Variants in ARL6IP6 observed in about 807,000 individuals in gnomAD.
ARL6IP6 encodes the protein ARF like GTPase 6 interacting protein 6.
ARL6IP6 carries 22 observed loss-of-function variants against 21.5 expected under a neutral mutation model. The observed-to-expected ratio is 1.02, with a 90% CI of 0.73 to 1.46. The LOEUF is 1.46. ARL6IP6 is among the 40% of genes most tolerant of loss of function. The probability of loss-of-function intolerance (pLI) is 0.00; values close to 1 mark genes in which losing one functional copy is unlikely to be tolerated. For missense variants in ARL6IP6, 388 were observed against 299.8 expected, an observed-to-expected ratio of 1.29 and a Z score of -2.17; for synonymous variants, 164 against 125.3, an observed-to-expected ratio of 1.31 and a Z score of -2.06.
chr2:152,732,993 T>G (rs996239720), intron 2 of ARL6IP6, among the ~76,000 whole-genome samples: 6 of 152,196 alleles, frequency 3.9e-5, no homozygotes, highest in Non-Finnish European at 2.9e-5. Context: ...ATTCTGTGTC[T>G]TATATGAGTC....
chr2:152,732,581 G>A (rs561555205), intron 2 of ARL6IP6: 1 of 449,000 alleles, frequency 2.2e-6, no homozygotes, highest in African/African-American at 2.1e-5. Flanking sequence ...AGTTGCAAAG[G>A]TATGTTTTAT....
rs191857358 is a variant in ARL6IP6, at chr2:152,753,664, A to G, written c.588-6083A>G. Among the ~76,000 whole-genome samples, 471 of 148,074 alleles carry G rather than the reference A, an allele frequency of 3.2e-3. 1 individual carries two copies. Among genetic ancestry groups the G allele is most frequent in the Middle Eastern group, 0.011 (3 of 274 alleles). Reference sequence around the variant, plus strand: ...CACCTTTACAATGCTGAGTATTCCCAGGTTATGGTGGAGACCTCCCTTCAT... The same window carrying G: ...CACCTTTACAATGCTGAGTATTCCCGGGTTATGGTGGAGACCTCCCTTCAT... On this transcript the variant is annotated intron_variant, in intron 3 of 3. Coordinates refer to ENST00000326446, the MANE Select transcript of ARL6IP6 (RefSeq NM_152522.7).
intron 2 of ARL6IP6, among the ~76,000 whole-genome samples, chr2:152,733,886 A>G (rs965063936): frequency 3.3e-5 from 5 of 152,166 alleles, no homozygotes; most frequent in Non-Finnish European, 5.9e-5. Context: ...GCTCATCCCT[A>G]TATCCCCATT....
chr2:152,734,442 TAATAAAGATA>T (rs754612203), intron 2 of ARL6IP6, among the ~76,000 whole-genome samples: 1 of 152,228 alleles, frequency 6.6e-6, no homozygotes, highest in Admixed American at 6.5e-5. Context: ...TAGTACTAAA[TAATAAAGATA>T]GCAAGGTATG....
chr2:152,739,051 T>C (rs1373926683), intron 3 of ARL6IP6, among the ~76,000 whole-genome samples: 1 of 151,912 alleles, frequency 6.6e-6, no homozygotes, highest in African/African-American at 2.4e-5. Flanking sequence ...GGCGTGATCT[T>C]GGCTCACTGC....
At position 152,718,793 on chromosome 2, in the gene ARL6IP6, G is replaced by A. The variant is rs1433998438; in HGVS notation, c.169G>A (p.Ala57Thr). 6.2e-7 allele frequency: 1 copy of A among 1,607,402 alleles called. No individual in the cohort carries two copies. The highest frequency in any genetic ancestry group is 2.2e-5 in the East Asian group (1 of 44,684). Reference protein sequence around the residue: ...GCDQVARDLRAEFSAGAWSEP... With the variant: ...GCDQVARDLRTEFSAGAWSEP... ...CGACCAAGTGGCCCGCGACCTGCGG[G>A]CGGAGTTCTCGGCTGGGGCGTGGTC... is the stretch of plus-strand genomic sequence containing the variant. The change falls in exon 1 of 4, where the codon GCG becomes ACG. Residue 57 changes from alanine to threonine, a missense_variant. Physicochemically the swap from Ala to Thr is moderately conservative, Grantham distance 58. Transcript: ENST00000326446.
intron 2 of ARL6IP6, among the ~76,000 whole-genome samples, chr2:152,723,321 G>A (rs537629369): frequency 6.6e-6 from 1 of 152,160 alleles, no homozygotes; most frequent in African/African-American, 2.4e-5. Flanking sequence ...AGATGATAAC[G>A]ATTTTATTAT....
rs535009903 is a variant in ARL6IP6 at position 152,747,940 on chromosome 2, A to G, written c.588-11807A>G. ...GGTCTGGAATCCCTGACCTCAAGCC[A>G]TCCTCCTGCCTCAGCCTTCCAAAGT... On this transcript the variant is annotated intron_variant, in intron 3 of 3. Coordinates refer to ENST00000326446, the MANE Select transcript of ARL6IP6 (RefSeq NM_152522.7). Among the ~76,000 whole-genome samples, 19 of 152,268 alleles carry G rather than the reference A, an allele frequency of 1.2e-4. No homozygotes were observed. The South Asian group carries it at 3.7e-3, about 30-fold the overall frequency.
intron 3 of ARL6IP6, among the ~76,000 whole-genome samples, chr2:152,758,813 C>G (rs1217561010): frequency 1.3e-5 from 2 of 152,172 alleles, no homozygotes; most frequent in Non-Finnish European, 2.9e-5. Flanking sequence ...AAGTGCTTCT[C>G]TGGCTTTGGC....
rs781156981 is a variant in ARL6IP6 at position 152,718,878 on chromosome 2, A to G, written c.254A>G (p.Asp85Gly). 5.6e-6 allele frequency: 9 copies of G among 1,613,602 alleles called. No homozygotes were observed. The highest frequency in any genetic ancestry group is 2.2e-5 in the South Asian group (2 of 90,998). Residue 85 changes from aspartate to glycine, a missense_variant, in exon 1 of 4, where the codon GAT (aspartate) becomes GGT (glycine). Coordinates refer to ENST00000326446, the MANE Select transcript of ARL6IP6 (RefSeq NM_152522.7). ...GGGAACGGGTCGCCCGTTCTGCCCG[A>G]TAAGCGCAATGGTATCTTTCCCGCG... ...PDGNGSPVLP[D>G]KRNGIFPAAA...
chr2:152,729,141 G>T (rs953751831), intron 2 of ARL6IP6, among the ~76,000 whole-genome samples: 1 of 152,170 alleles, frequency 6.6e-6, no homozygotes, highest in African/African-American at 2.4e-5. Context: ...GGAGGCTGAG[G>T]CGGGTGGAAC....
intron 2 of ARL6IP6, among the ~76,000 whole-genome samples, chr2:152,729,578 A>AC (rs889702398): frequency 2.6e-5 from 4 of 152,306 alleles, no homozygotes; most frequent in South Asian, 2.1e-4. Context: ...ATTAAAAAAA[A>AC]ACACACACAC....
Position 152,718,973 on chromosome 2 carries a change from T to C in ARL6IP6, c.349T>C (p.Phe117Leu). 1 of 1,591,754 alleles carries C rather than the reference T, an allele frequency of 6.3e-7. No individual in the cohort carries two copies. The highest frequency in any genetic ancestry group is 1.1e-5 in the South Asian group (1 of 88,302). The change falls in exon 1 of 4, where the codon TTC becomes CTC. Residue 117 changes from phenylalanine to leucine, a missense_variant. Phe to Leu is a conservative substitution (Grantham distance 22). Coordinates refer to ENST00000326446, the MANE Select transcript of ARL6IP6 (RefSeq NM_152522.7). ...CCTCTCTATTCTCTGCTCGCTGCTC[T>C]TCGCCATTCTTCTCGCCTTCCTCCT... ...QVLSILCSLL[F>L]AILLAFLLAI...
intron 3 of ARL6IP6, among the ~76,000 whole-genome samples, chr2:152,738,251 T>C (rs1700640608): frequency 6.6e-6 from 1 of 152,224 alleles, no homozygotes; most frequent in South Asian, 2.1e-4. Flanking sequence ...GGGTACAGCC[T>C]CCCTCCTGGC....
chr2:152,729,998 T>C (rs1700230930), intron 2 of ARL6IP6, among the ~76,000 whole-genome samples: 1 of 152,234 alleles, frequency 6.6e-6, no homozygotes, highest in Non-Finnish European at 1.5e-5. Context: ...CTGTGGCTTT[T>C]CTGCTTATTT....
At chr2:152,729,614 A>T (rs1026707817) in intron 2 of ARL6IP6, among the ~76,000 whole-genome samples, 1 of 152,190 alleles carries the variant, frequency 6.6e-6, no homozygotes. Flanking sequence ...GTGGGTGCTG[A>T]TAGGAAAGGT....
At chr2:152,742,428 G>A (rs1013739979) in intron 3 of ARL6IP6, among the ~76,000 whole-genome samples, 2 of 152,084 alleles carry the variant, frequency 1.3e-5, no homozygotes, top group African/African-American at 4.8e-5. Flanking sequence ...AAGTATCCAG[G>A]TGTGGTGAAA....
chr2:152,729,334 C>CTGTGTGTGTGTGTGTGTGTGTGTG (rs10604718), intron 2 of ARL6IP6, among the ~76,000 whole-genome samples: 1 of 150,952 alleles, frequency 6.6e-6, no homozygotes, highest in African/African-American at 2.4e-5. Context: ...CAGACTTTGT[C>CTGTGTGTGTGTGTGTGTGTGTGTG]TGTGTGTGTG....
At chr2:152,752,869 TC>T (rs1207203057) in intron 3 of ARL6IP6, among the ~76,000 whole-genome samples, 1 of 152,180 alleles carries the variant, frequency 6.6e-6, no homozygotes, top group African/African-American at 2.4e-5. Context: ...GGCTTTAGGT[TC>T]CCTGCCCTAG....
Sources: gnomAD v4.1 joint callset for allele counts (sites outside exome capture counted in the v4.1 genomes callset) on GRCh38, gnomAD v4.1.1 for gene constraint, MANE v1.5 for transcripts, NCBI Gene and HGNC (gene_info 2026-07-23, HGNC 2026-07-21) for gene names.